The following CTNNA2 variants were observed in gnomAD, a reference collection of about 807,000 sequenced individuals.
CTNNA2 encodes catenin alpha 2.
In CTNNA2, 42 loss-of-function variants were observed where a neutral mutation model predicts 101.0. That is an observed-to-expected ratio of 0.42 (90% CI 0.32 to 0.54). The LOEUF (loss-of-function observed/expected upper bound fraction) is 0.54, where lower values mean the gene tolerates loss of function less well. CTNNA2 is among the 20% of genes least tolerant of loss of function. The pLI, the probability that CTNNA2 is intolerant of heterozygous loss-of-function variation, is 0.14. For missense variants in CTNNA2, 871 were observed against 1,223.1 expected (o/e 0.71, Z 4.29); for synonymous variants, 450 against 456.4 (o/e 0.99, Z 0.18).
intron 1 of CTNNA2, among the ~76,000 whole-genome samples, chr2:79,531,205 T>C (rs1213718072): frequency 1.6e-5 from 1 of 64,438 alleles, no homozygotes; most frequent in African/African-American, 7.8e-5. Flanking sequence ...CATATATATA[T>C]ATATATATAT....
chr2:79,425,757 T>C (rs936596892), intron 4 of CTNNA2, among the ~76,000 whole-genome samples: 2 of 152,192 alleles, frequency 1.3e-5, no homozygotes, highest in Non-Finnish European at 2.9e-5. Context: ...TGCGTAATTA[T>C]ATTCTTTATG....
intron 17 of CTNNA2, chr2:80,618,802 G>A: frequency 4.3e-6 from 1 of 232,316 alleles, no homozygotes; most frequent in South Asian, 1.8e-4. Context: ...CACTATAGTT[G>A]TCCCATTCAG....
intron 3 of CTNNA2, among the ~76,000 whole-genome samples, chr2:79,753,889 G>C (rs1385606447): frequency 2.5e-5 from 3 of 121,642 alleles, no homozygotes; most frequent in African/African-American, 6.9e-5. Flanking sequence ...TTTTTTTTGA[G>C]ATGGAGTCTT....
chr2:80,529,943 G>A (rs181988002), intron 9 of CTNNA2, among the ~76,000 whole-genome samples: 3 of 152,058 alleles, frequency 2.0e-5, no homozygotes, highest in South Asian at 2.1e-4. Context: ...CTGCTCCTAC[G>A]GGTGTTGGTT....
chr2:80,309,978 G>A (rs114963281), intron 7 of CTNNA2, among the ~76,000 whole-genome samples: 3,050 of 152,006 alleles, frequency 0.02, 86 homozygotes, highest in African/African-American at 0.061. Context: ...CACAAACCTT[G>A]GAGCTTATTA....
In CTNNA2 at chr2:80,302,443, C is replaced by T. The variant is rs753363249; in HGVS notation, c.1057-90768C>T. ...GCTGCGTGACAAAGCACTGTCTGAGCTGCCTGAGGCTGGCTGGGAAACACT... is the reference window on the plus strand; with the variant it reads ...GCTGCGTGACAAAGCACTGTCTGAGTTGCCTGAGGCTGGCTGGGAAACACT... On this transcript the variant is annotated intron_variant, in intron 7 of 18. Coordinates refer to ENST00000402739, the MANE Select transcript of CTNNA2 (RefSeq NM_001282597.3). The surrounding 1 kb of genome is among the most constrained non-coding windows in gnomAD (Gnocchi z 6.4). 2 of 1,614,232 alleles carry T rather than the reference C, an allele frequency of 1.2e-6. No individual in the cohort carries two copies. The highest frequency in any genetic ancestry group is 1.7e-6 in the Non-Finnish European group (2 of 1,180,044).
intron 18 of CTNNA2, among the ~76,000 whole-genome samples, chr2:80,621,242 T>C (rs940680238): frequency 6.6e-6 from 1 of 151,962 alleles, no homozygotes; most frequent in African/African-American, 2.4e-5. Flanking sequence ...TAAAAATCTA[T>C]GGTTTTATGG....
chr2:80,102,805 C>G (rs1013583991), intron 7 of CTNNA2, among the ~76,000 whole-genome samples: 1 of 152,164 alleles, frequency 6.6e-6, no homozygotes, highest in Admixed American at 6.5e-5. Context: ...AGCCACTGCA[C>G]CCTGCCCTAG....
At chr2:80,004,235 T>C (rs1693171980) in intron 7 of CTNNA2, among the ~76,000 whole-genome samples, 1 of 152,158 alleles carries the variant, frequency 6.6e-6, no homozygotes, top group South Asian at 2.1e-4. Flanking sequence ...GAGCATTTCA[T>C]AGGAGTAATA....
intron 3 of CTNNA2, among the ~76,000 whole-genome samples, chr2:79,781,075 G>C (rs1029353448): frequency 3.3e-5 from 5 of 152,152 alleles, no homozygotes; most frequent in African/African-American, 1.2e-4. Context: ...AGGAATAAAA[G>C]AACAGCTACT....
chr2:79,931,798 ACAGGCAAGCAAGTTCAGCTTAATG>A (rs1687462041), intron 7 of CTNNA2, among the ~76,000 whole-genome samples: 1 of 152,152 alleles, frequency 6.6e-6, no homozygotes, highest in Admixed American at 6.5e-5. Flanking sequence ...CAAAGGCAAT[ACAGGCAAGCAAGTTCAGCTTAATG>A]CTATACAAGG....
chr2:79,551,486 A>G lies in CTNNA2; in HGVS notation c.-6+38279A>G, dbSNP rs73938721. 7.3e-3 allele frequency among the ~76,000 whole-genome samples: 1,119 copies of G among 152,316 alleles called. 11 individuals carry two copies. Among genetic ancestry groups the G allele is most frequent in the African/African-American group, 0.023 (939 of 41,574 alleles). On this transcript the variant is annotated intron_variant, in intron 1 of 18. Transcript: ENST00000402739. ...AAGCAGTCAAATATACATTTGTCTCAGGTGAGAGCAGAAGGATAACCTCTA... is the reference window on the plus strand; with the variant it reads ...AAGCAGTCAAATATACATTTGTCTCGGGTGAGAGCAGAAGGATAACCTCTA...
intron 2 of CTNNA2, among the ~76,000 whole-genome samples, chr2:79,310,128 G>A (rs915207958): frequency 4.6e-5 from 7 of 151,940 alleles, no homozygotes; most frequent in Non-Finnish European, 1.0e-4. Context: ...CTGTATAAAG[G>A]ATCATAATAT....
At chr2:80,091,676 C>G (rs1439854420) in intron 7 of CTNNA2, among the ~76,000 whole-genome samples, 1 of 151,988 alleles carries the variant, frequency 6.6e-6, no homozygotes, top group Non-Finnish European at 1.5e-5. Context: ...GCCAGAAGAG[C>G]AAGGTGAGCC....
At chr2:80,109,396 G>A (rs1558817362) in intron 7 of CTNNA2, among the ~76,000 whole-genome samples, 2 of 152,172 alleles carry the variant, frequency 1.3e-5, no homozygotes, top group East Asian at 1.9e-4. Flanking sequence ...GGGAGGTGGA[G>A]GTTGCAGTGA....
intron 4 of CTNNA2, among the ~76,000 whole-genome samples, chr2:79,393,135 C>A (rs1470706996): frequency 6.6e-6 from 1 of 152,156 alleles, no homozygotes; most frequent in African/African-American, 2.4e-5. Flanking sequence ...AAGGTTGGGA[C>A]CAGTAGAAAG....
intron 2 of CTNNA2, among the ~76,000 whole-genome samples, chr2:79,219,571 A>C (rs1172391204): frequency 6.6e-6 from 1 of 152,200 alleles, no homozygotes; most frequent in African/African-American, 2.4e-5. Flanking sequence ...ACGCAGGAAT[A>C]CCGCCATCTT....
At position 80,303,740 on chromosome 2, in the gene CTNNA2, GC is replaced by G; in HGVS notation, c.1057-89466del. 6.3e-7 allele frequency: 1 copy of G among 1,597,628 alleles called. No homozygotes were observed. Among genetic ancestry groups the G allele is most frequent in the Non-Finnish European group, 8.5e-7 (1 of 1,172,324 alleles). Reference sequence around the variant, plus strand: ...GGCGGCGGGCAGCATCTGAAAGCAGGCCCCCAGCAGACACAAGACCACCCCC... The same window carrying G: ...GGCGGCGGGCAGCATCTGAAAGCAGGCCCCAGCAGACACAAGACCACCCCC... On this transcript the variant is annotated intron_variant, in intron 7 of 18. Transcript: ENST00000402739. This position sits in a 1 kb window ranked among gnomAD's most constrained non-coding sequence, Gnocchi z 7.7.
intron 9 of CTNNA2, among the ~76,000 whole-genome samples, chr2:80,420,313 A>G (rs1680417197): frequency 6.6e-6 from 1 of 152,146 alleles, no homozygotes; most frequent in Non-Finnish European, 1.5e-5. Context: ...GGGGCTAAAT[A>G]CAATAGAAAA....
Sources: allele counts gnomAD v4.1 joint callset (sites outside exome capture counted in the v4.1 genomes callset), GRCh38; gene constraint gnomAD v4.1.1; non-coding constraint Gnocchi (gnomAD v3.1); transcripts MANE v1.5; gene names NCBI Gene and HGNC (gene_info 2026-07-23, HGNC 2026-07-21).